Variants in XRN1 observed in about 807,000 individuals in gnomAD.
XRN1 encodes the protein strand-exchange protein 1 homolog.
XRN1 carries 67 observed loss-of-function variants against 222.3 expected under a neutral mutation model. The observed-to-expected ratio is 0.30, with a 90% CI of 0.25 to 0.37. The LOEUF is 0.37. XRN1 is among the 10% of genes least tolerant of loss of function. XRN1 has a pLI of 1.00. For missense variants in XRN1, 1,707 were observed against 2,000.2 expected (o/e 0.85, Z 2.80); for synonymous variants, 643 against 652.4 (o/e 0.99, Z 0.22).
chr3:142,380,060 C>T (rs1559832355), intron 23 of XRN1, 22 bp downstream of exon 23: 1 of 1,573,496 alleles, frequency 6.4e-7, no homozygotes, highest in Non-Finnish European at 8.7e-7. Context: ...CTAAATGAAA[C>T]AATACAAACT....
intron 1 of XRN1, among the ~76,000 whole-genome samples, chr3:142,443,822 A>G (rs1403411286): frequency 6.6e-6 from 1 of 152,250 alleles, no homozygotes; most frequent in African/African-American, 2.4e-5. Flanking sequence ...AAGATTTGGA[A>G]GCAACCTAAG....
intron 40 of XRN1, among the ~76,000 whole-genome samples, chr3:142,312,029 G>GT (rs1477468488): frequency 1.3e-5 from 2 of 152,112 alleles, no homozygotes; most frequent in Admixed American, 1.3e-4. Context: ...GCTCACAACT[G>GT]TAATATCAGC....
intron 29 of XRN1, among the ~76,000 whole-genome samples, chr3:142,360,345 C>T (rs1254059138): frequency 2.6e-5 from 4 of 152,140 alleles, no homozygotes; most frequent in Non-Finnish European, 4.4e-5. Flanking sequence ...GATTCACCCA[C>T]GTAAACATGT....
rs1461889335 is a variant in XRN1 at position 142,403,697 on chromosome 3, C to T, written c.2080G>A (p.Val694Met). 6.2e-7 allele frequency: 1 copy of T among 1,613,216 alleles called. No homozygotes were observed. Among genetic ancestry groups the T allele is most frequent in the Non-Finnish European group, 8.5e-7 (1 of 1,179,494 alleles). ...ACAAGTTCATCTGATTCTGCATCCA[C>T]TAAGATTTCCAACATCATGTTTTCT... Reference protein sequence around the residue: ...RGENMMLEILVDAESDELTVE... With the variant: ...RGENMMLEILMDAESDELTVE... Residue 694 changes from valine (V) to methionine (M), a missense_variant, in exon 18 of 41, where the codon GTG (valine) becomes ATG (methionine). By Grantham distance (21) the Val-to-Met change is conservative. This residue lies in a region of XRN1 where 1,234 missense variants were observed against 1,518.2 expected (regional missense o/e 0.81). Transcript: ENST00000392981.
At chr3:142,414,435 A>G in intron 13 of XRN1, 144 bp from the exon 14 acceptor site, 1 of 581,452 alleles carries the variant, frequency 1.7e-6, no homozygotes, top group Non-Finnish European at 2.6e-6. Flanking sequence ...ATCTGAATAT[A>G]AGAAATTAGC....
At chr3:142,427,337 TAA>T (rs1019622929) in intron 2 of XRN1, among the ~76,000 whole-genome samples, 2 of 145,416 alleles carry the variant, frequency 1.4e-5, no homozygotes, top group Admixed American at 6.9e-5. Flanking sequence ...CTGTCTCATT[TAA>T]AAAAAAAAAA....
chr3:142,366,865 G>A (rs1373960792), intron 27 of XRN1, among the ~76,000 whole-genome samples: 1 of 152,176 alleles, frequency 6.6e-6, no homozygotes, highest in Non-Finnish European at 1.5e-5. Flanking sequence ...AGAGGACATG[G>A]ATCAAAACTG....
At chr3:142,384,348 T>C (rs1352348973) in intron 21 of XRN1, among the ~76,000 whole-genome samples, 175 bp downstream of exon 21, 1 of 151,742 alleles carries the variant, frequency 6.6e-6, no homozygotes, top group Non-Finnish European at 1.5e-5. Context: ...ACTGAGTGTC[T>C]GAGCATGTAA....
chr3:142,314,882 G>C (rs2065164739), intron 39 of XRN1, among the ~76,000 whole-genome samples: 1 of 126,558 alleles, frequency 7.9e-6, no homozygotes, highest in Admixed American at 8.6e-5. Context: ...TCCAGCCTGG[G>C]TGACAGAGTG....
chr3:142,326,772 G>A (rs1198053718), intron 37 of XRN1, among the ~76,000 whole-genome samples: 3 of 151,884 alleles, frequency 2.0e-5, no homozygotes, highest in Non-Finnish European at 4.4e-5. Context: ...GTTTGTTGTT[G>A]TTTATTATGT....
chr3:142,418,795 A>T lies in XRN1; in HGVS notation c.1240+20T>A. 1 of 1,612,230 alleles carries T rather than the reference A, an allele frequency of 6.2e-7. No homozygotes were observed. Among genetic ancestry groups the T allele is most frequent in the South Asian group, 1.1e-5 (1 of 90,900 alleles). On this transcript the variant is annotated intron_variant, in intron 11 of 40. Transcript: ENST00000392981. ...TCCTGTCAAAGTAGTAACATATCAA[A>T]ACACATACTTCATACTTACCCTTAG...
At chr3:142,420,015 C>A (rs751477455) in intron 10 of XRN1, among the ~76,000 whole-genome samples, 4 of 152,066 alleles carry the variant, frequency 2.6e-5, no homozygotes, top group Non-Finnish European at 4.4e-5. Context: ...ATTAGGCTGG[C>A]ACAAAAGTAA....
intron 33 of XRN1, among the ~76,000 whole-genome samples, chr3:142,337,969 G>A (rs2065894104): frequency 6.6e-6 from 1 of 152,164 alleles, no homozygotes; most frequent in African/African-American, 2.4e-5. Flanking sequence ...AAGACAGTGG[G>A]AACTTGAGTA....
At chr3:142,408,142 C>T (rs2068419954) in intron 15 of XRN1, among the ~76,000 whole-genome samples, 1 of 152,190 alleles carries the variant, frequency 6.6e-6, no homozygotes, top group African/African-American at 2.4e-5. Flanking sequence ...ATAAATGCTT[C>T]CTATTTTTCT....
chr3:142,416,374 G>A (rs1376730337), intron 13 of XRN1, among the ~76,000 whole-genome samples: 1 of 152,012 alleles, frequency 6.6e-6, no homozygotes, highest in South Asian at 2.1e-4. Flanking sequence ...GTAGAGATGG[G>A]GTTTCACCAT....
intron 29 of XRN1, 39 bp downstream of exon 29, chr3:142,365,008 T>G (rs778958030): frequency 2.5e-5 from 40 of 1,586,562 alleles, no homozygotes; most frequent in Non-Finnish European, 3.3e-5. Context: ...CTTTACAATA[T>G]AAATTACGTT....
At chr3:142,325,438 A>C (rs549754426) in intron 37 of XRN1, among the ~76,000 whole-genome samples, 2 of 152,060 alleles carry the variant, frequency 1.3e-5, no homozygotes, top group Non-Finnish European at 2.9e-5. Flanking sequence ...TTAAAAATTC[A>C]ACTTTTGTTT....
intron 1 of XRN1, among the ~76,000 whole-genome samples, chr3:142,444,216 G>A (rs192812922): frequency 3.3e-5 from 5 of 152,194 alleles, no homozygotes; most frequent in Admixed American, 6.5e-5. Flanking sequence ...AGGCCGAGGC[G>A]GGCAGATCAC....
chr3:142,411,397 T>C (rs1269407813), intron 15 of XRN1, among the ~76,000 whole-genome samples: 5 of 152,166 alleles, frequency 3.3e-5, no homozygotes, highest in Non-Finnish European at 1.5e-5. Context: ...TGCTCTTCTT[T>C]TTCTATCTTC....
Sources: gnomAD v4.1 joint callset for allele counts (sites outside exome capture counted in the v4.1 genomes callset) on GRCh38, gnomAD v4.1.1 for gene constraint, gnomAD v4.1.1 regional missense constraint, MANE v1.5 for transcripts, NCBI Gene and HGNC (gene_info 2026-07-23, HGNC 2026-07-21) for gene names.